The following PRKCA variants were observed in gnomAD, a reference collection of about 807,000 sequenced individuals.
The protein encoded by PRKCA is protein kinase C alpha type.
Under a neutral mutation model 87.0 loss-of-function variants are expected in PRKCA, and 27 were observed. That is an observed-to-expected ratio of 0.31 (90% CI 0.23 to 0.43). The LOEUF is 0.43. PRKCA is among the 20% of genes least tolerant of loss of function. The pLI, the probability that PRKCA is intolerant of heterozygous loss-of-function variation, is 1.00. For missense variants in PRKCA, 518 were observed against 852.3 expected (o/e 0.61, Z 4.88); for synonymous variants, 329 against 311.1 (o/e 1.06, Z -0.61).
chr17:66,716,417 C>A (rs1973473911), intron 8 of PRKCA, among the ~76,000 whole-genome samples: 1 of 152,106 alleles, frequency 6.6e-6, no homozygotes, highest in African/African-American at 2.4e-5. Context: ...TTCCTCTAAG[C>A]CGGGCATCAG....
rs1444847369 is a variant in PRKCA at position 66,595,661 on chromosome 17, C to T, written c.289-45694C>T. Among the ~76,000 whole-genome samples the T allele has an allele frequency of 2.6e-5, 4 of 152,060 alleles. No homozygotes were observed. The South Asian group carries it at 6.2e-4, about 24-fold the overall frequency. Reference sequence around the variant, plus strand: ...TATCTTTGGTAGAGACAGGGTTTCACCATGTTAGCTAGGATGGTTTCAATC... The same window carrying T: ...TATCTTTGGTAGAGACAGGGTTTCATCATGTTAGCTAGGATGGTTTCAATC... On this transcript the variant is annotated intron_variant, in intron 3 of 16. Transcript: ENST00000413366.
At chr17:66,536,625 G>T (rs574327321) in intron 3 of PRKCA, among the ~76,000 whole-genome samples, 1 of 152,190 alleles carries the variant, frequency 6.6e-6, no homozygotes, top group African/African-American at 2.4e-5. Flanking sequence ...GGGGGATGCT[G>T]CTGTTGATGT....
chr17:66,427,008 A>G (rs909292998), intron 2 of PRKCA, among the ~76,000 whole-genome samples: 12 of 152,256 alleles, frequency 7.9e-5, no homozygotes, highest in African/African-American at 2.9e-4. Flanking sequence ...ACTATGGTCC[A>G]TGAGACACCA....
intron 9 of PRKCA, among the ~76,000 whole-genome samples, chr17:66,735,044 T>G (rs1300599326): frequency 1.3e-5 from 2 of 152,234 alleles, no homozygotes; most frequent in Non-Finnish European, 2.9e-5. Context: ...TTCAGCAATT[T>G]GCCTGTATCT....
chr17:66,472,855 A>G (rs1915380425), intron 2 of PRKCA, among the ~76,000 whole-genome samples: 1 of 148,460 alleles, frequency 6.7e-6, no homozygotes, highest in African/African-American at 2.5e-5. Context: ...AAGAGACCAT[A>G]GCTTTTTTTG....
At chr17:66,648,186 A>G (rs1310510479) in intron 5 of PRKCA, among the ~76,000 whole-genome samples, 1 of 152,170 alleles carries the variant, frequency 6.6e-6, no homozygotes, top group Non-Finnish European at 1.5e-5. Flanking sequence ...GCTCCCTGTC[A>G]TCTCTTTTAT....
intron 8 of PRKCA, among the ~76,000 whole-genome samples, chr17:66,729,263 G>A (rs2144189723): frequency 6.6e-6 from 1 of 152,228 alleles, no homozygotes; most frequent in African/African-American, 2.4e-5. Flanking sequence ...AATTAGCTTG[G>A]TTTGGTGGTG....
At chr17:66,422,206 G>A (rs1912534233) in intron 2 of PRKCA, among the ~76,000 whole-genome samples, 1 of 152,138 alleles carries the variant, frequency 6.6e-6, no homozygotes, top group African/African-American at 2.4e-5. Flanking sequence ...CACATTCTGA[G>A]ATACTGGGGA....
chr17:66,323,639 G>A (rs1159398571), intron 2 of PRKCA, among the ~76,000 whole-genome samples: 1 of 152,162 alleles, frequency 6.6e-6, no homozygotes, highest in Non-Finnish European at 1.5e-5. Flanking sequence ...TGCTGGAGTG[G>A]TAGAAAGAAT....
At chr17:66,465,829 ATT>A (rs1283503835) in intron 2 of PRKCA, among the ~76,000 whole-genome samples, 6 of 152,172 alleles carry the variant, frequency 3.9e-5, no homozygotes, top group Non-Finnish European at 8.8e-5. Context: ...AAGGAAATTT[ATT>A]GAGGCCAGTA....
intron 3 of PRKCA, among the ~76,000 whole-genome samples, chr17:66,545,200 G>A (rs1021378211): frequency 4.6e-5 from 7 of 152,036 alleles, no homozygotes; most frequent in South Asian, 4.1e-4. Context: ...AGGCCAAGGC[G>A]GGCAGATCAC....
chr17:66,463,382 GTT>G (rs58154764), intron 2 of PRKCA, among the ~76,000 whole-genome samples: 9,647 of 146,558 alleles, frequency 0.066, 1,014 homozygotes, highest in African/African-American at 0.23. Context: ...TTGATTCTGT[GTT>G]TTTTTTTTTT....
chr17:66,350,851 C>A (rs918339347), intron 2 of PRKCA, among the ~76,000 whole-genome samples: 7 of 152,184 alleles, frequency 4.6e-5, no homozygotes, highest in African/African-American at 1.7e-4. Flanking sequence ...CGGTCCCTAG[C>A]CTTCCATGAG....
Position 66,542,043 on chromosome 17 carries a change from G to A in PRKCA, c.288+45760G>A, listed in dbSNP as rs1369791141. On this transcript the variant is annotated intron_variant, in intron 3 of 16. Coordinates refer to ENST00000413366, the MANE Select transcript of PRKCA (RefSeq NM_002737.3). ...TGCAGAGTCCTGAAGCTCGTGTTGCGGTTATTATGGTTCTATATAAAGCCC... is the reference window on the plus strand; with the variant it reads ...TGCAGAGTCCTGAAGCTCGTGTTGCAGTTATTATGGTTCTATATAAAGCCC... Among the ~76,000 whole-genome samples the A allele has an allele frequency of 3.3e-5, 5 of 152,116 alleles. No homozygotes were observed. The East Asian group carries it at 5.8e-4, about 18-fold the overall frequency.
At chr17:66,521,494 T>C (rs1407981440) in intron 3 of PRKCA, among the ~76,000 whole-genome samples, 3 of 152,224 alleles carry the variant, frequency 2.0e-5, no homozygotes, top group Non-Finnish European at 2.9e-5. Context: ...TCTCCCAAGA[T>C]TCCAGAAGAT....
At chr17:66,511,594 G>A (rs897668238) in intron 3 of PRKCA, among the ~76,000 whole-genome samples, 1 of 152,098 alleles carries the variant, frequency 6.6e-6, no homozygotes, top group East Asian at 1.9e-4. Context: ...ACATTCCTAG[G>A]TATTAAAGGG....
intron 13 of PRKCA, among the ~76,000 whole-genome samples, chr17:66,766,022 AC>A (rs1974805241): frequency 6.6e-6 from 1 of 152,088 alleles, no homozygotes; most frequent in Admixed American, 6.6e-5. Flanking sequence ...TAGATTCTAA[AC>A]CCCATCCTAT....
At chr17:66,771,887 G>A (rs945937669) in intron 13 of PRKCA, among the ~76,000 whole-genome samples, 9 of 152,236 alleles carry the variant, frequency 5.9e-5, no homozygotes, top group South Asian at 2.1e-4. Context: ...GAGCCACCAC[G>A]CCCGCCGCTT....
At chr17:66,585,425 TG>T (rs1226096801) in intron 3 of PRKCA, among the ~76,000 whole-genome samples, 1 of 152,248 alleles carries the variant, frequency 6.6e-6, no homozygotes, top group Admixed American at 6.5e-5. Context: ...AGAAATGATC[TG>T]GGGGCTGCTT....
Sources: allele counts gnomAD v4.1 joint callset (sites outside exome capture counted in the v4.1 genomes callset), GRCh38; gene constraint gnomAD v4.1.1; transcripts MANE v1.5; gene names NCBI Gene and HGNC (gene_info 2026-07-23, HGNC 2026-07-21).